PRH1: variants seen among roughly 807,000 people sequenced by gnomAD.
PRH1 encodes the protein proline rich protein HaeIII subfamily 1.
A neutral mutation model predicts 7.9 loss-of-function variants in PRH1; 7 were observed. That is an observed-to-expected ratio of 0.89 (90% confidence interval 0.50 to 1.67). PRH1 has a LOEUF of 1.67. PRH1 is among the 40% of genes most tolerant of loss of function. The probability of loss-of-function intolerance (pLI) is 0.00; values close to 1 mark genes in which losing one functional copy is unlikely to be tolerated. For missense variants in PRH1, 109 were observed against 223.6 expected (o/e 0.49, Z 3.27); for synonymous variants, 45 against 80.8 (o/e 0.56, Z 2.38).
chr12:11,148,492 C>A (rs1188575289), intron 1 of PRH1, among the ~76,000 whole-genome samples: 2 of 144,660 alleles, frequency 1.4e-5, no homozygotes, highest in Non-Finnish European at 3.1e-5. Context: ...GAGTTTTTAG[C>A]GTGAAGGTTG....
exon 1 of PRH1, chr12:11,047,127 TA>T: frequency 2.2e-6 from 1 of 453,640 alleles, no homozygotes; most frequent in East Asian, 6.9e-5. Flanking sequence ...TTCCAATGTT[TA>T]AAAAGCTGGC....
In PRH1 at chr12:11,086,809, G is replaced by A. The variant is rs1246218903; in HGVS notation, n.124-39621C>T. Reference sequence around the variant, plus strand: ...CATGCATAAAATCCCAGCTACTCAGGTGGCTGTGGCAGAAAAATCATTGGA... The same window carrying A: ...CATGCATAAAATCCCAGCTACTCAGATGGCTGTGGCAGAAAAATCATTGGA... On this transcript the variant is annotated intron_variant and non_coding_transcript_variant, in intron 1 of 4. Transcript: ENST00000541977. 4.4e-5 allele frequency among the ~76,000 whole-genome samples: 5 copies of A among 113,758 alleles called. 2 individuals are homozygous for A. The highest frequency in any genetic ancestry group is 1.0e-4 in the Non-Finnish European group (5 of 48,338). 74.6% of individuals were successfully genotyped at this position (113,758 alleles called of 152,430 possible). A position where few individuals can be genotyped will look rare whatever the true frequency, so the allele number is the denominator to read the frequency against.
intron 1 of PRH1, among the ~76,000 whole-genome samples, chr12:10,982,474 C>T (rs776679292): frequency 7.2e-5 from 11 of 152,108 alleles, no homozygotes; most frequent in Admixed American, 1.3e-4. Flanking sequence ...ACTTTGTATG[C>T]GGCTTTTGAT....
chr12:11,094,152 A>G (rs1945015640), intron 1 of PRH1, among the ~76,000 whole-genome samples: 2 of 111,902 alleles, frequency 1.8e-5, no homozygotes, highest in South Asian at 4.9e-4. Flanking sequence ...AAATACAAAA[A>G]TTAGCAGGGC....
At chr12:11,072,303 GA>G (rs1159687422) in intron 1 of PRH1, among the ~76,000 whole-genome samples, 1 of 152,076 alleles carries the variant, frequency 6.6e-6, no homozygotes, top group Non-Finnish European at 1.5e-5. Context: ...GGGAGTTTTT[GA>G]AGGTCAGATG....
intron 1 of PRH1, among the ~76,000 whole-genome samples, chr12:11,098,415 G>A (rs949421593): frequency 2.6e-5 from 4 of 152,020 alleles, no homozygotes; most frequent in Admixed American, 1.3e-4. Flanking sequence ...TTCACTGTTT[G>A]TTCTTGTTAC....
intron 2 of PRH1, among the ~76,000 whole-genome samples, chr12:10,924,178 G>A (rs1565474346): frequency 6.6e-6 from 1 of 151,690 alleles, no homozygotes; most frequent in African/African-American, 2.4e-5. Context: ...TAATAGAGAC[G>A]GGGTTTCACC....
At position 11,094,619 on chromosome 12, in the gene PRH1, TA is replaced by T. The variant is rs1430722996; in HGVS notation, n.124-47432del. On this transcript the variant is annotated intron_variant and non_coding_transcript_variant, in intron 1 of 4. Coordinates refer to the PRH1 transcript ENST00000541977. ...TGTTGCAACTAAATAAGAAAGTTCC[TA>T]TTTCAACTATCTTAGAATTGTGTAA... Among the ~76,000 whole-genome samples, 3 of 116,314 alleles carry T rather than the reference TA, an allele frequency of 2.6e-5. 1 individual carries two copies. Among genetic ancestry groups the T allele is most frequent in the African/African-American group, 8.7e-5 (3 of 34,650 alleles). The allele number at this position is 116,314 out of a possible 152,430, so 76.3% of individuals were successfully genotyped here. A position where few individuals can be genotyped will look rare whatever the true frequency, so the allele number is the denominator to read the frequency against.
intron 1 of PRH1, among the ~76,000 whole-genome samples, chr12:11,146,735 T>C (rs568688760): frequency 6.6e-6 from 1 of 152,340 alleles, no homozygotes; most frequent in South Asian, 2.1e-4. Context: ...CCTTTTGGAC[T>C]ATTTTTTGTG....
rs1565646413 is a variant in PRH1 at position 11,091,862 on chromosome 12, C to T, written n.124-44674G>A. 7.4e-6 allele frequency: 10 copies of T among 1,360,120 alleles called. No individual in the cohort carries two copies. The South Asian group carries it at 8.0e-5, about 11-fold the overall frequency. The allele number at this position is 1,360,120 out of a possible 1,614,324, so 84.3% of individuals were successfully genotyped here. A position where few individuals can be genotyped will look rare whatever the true frequency, so the allele number is the denominator to read the frequency against. On this transcript the variant is annotated intron_variant and non_coding_transcript_variant, in intron 1 of 4. Transcript: ENST00000541977. The stretch of plus-strand genomic sequence containing the variant: ...CACCAGAATGACACTCTTAACTCTC[C>T]TCTTTAAGTGAAGAAAAATAAAGTT...
intron 2 of PRH1, chr12:10,937,997 T>C (rs984984979): frequency 2.9e-6 from 1 of 343,108 alleles, no homozygotes; most frequent in African/African-American, 2.1e-5. Flanking sequence ...CATTTAAAAA[T>C]CTCAAAAAAG....
chr12:11,153,917 T>C (rs774577683), intron 1 of PRH1, among the ~76,000 whole-genome samples: 42 of 152,282 alleles, frequency 2.8e-4, no homozygotes, highest in Non-Finnish European at 7.4e-5. Context: ...TAACAGATAT[T>C]ACCCCCAAAA....
intron 1 of PRH1, among the ~76,000 whole-genome samples, chr12:11,003,129 T>C (rs1042786273): frequency 6.6e-6 from 1 of 152,142 alleles, no homozygotes; most frequent in Middle Eastern, 3.4e-3. Context: ...TATATCTTTC[T>C]TTTTTAAATT....
In PRH1 at chr12:11,150,667, T is replaced by C. The variant is rs551994603; in HGVS notation, n.39+20755A>G. Among the ~76,000 whole-genome samples the C allele has an allele frequency of 5.9e-4, 89 of 151,934 alleles. 1 individual carries two copies. The East Asian group carries it at 0.015, about 26-fold the overall frequency. ...GGGGAACATCACATTCTGGGGACAGTTGTGGGGTTGGGGGAAGGGGAAGGG... is the reference window on the plus strand; with the variant it reads ...GGGGAACATCACATTCTGGGGACAGCTGTGGGGTTGGGGGAAGGGGAAGGG... On this transcript the variant is annotated intron_variant and non_coding_transcript_variant, in intron 1 of 1. Transcript: ENST00000541175.
At chr12:11,136,250 G>T (rs571644407) in intron 1 of PRH1, among the ~76,000 whole-genome samples, 31 of 152,136 alleles carry the variant, frequency 2.0e-4, no homozygotes, top group Non-Finnish European at 3.8e-4. Flanking sequence ...TGTTCTTGTT[G>T]TTTGTGGCTT....
At chr12:11,115,867 A>G (rs1029225814), downstream of PRH1, among the ~76,000 whole-genome samples, 4 of 152,116 alleles carry the variant, frequency 2.6e-5, no homozygotes, top group Non-Finnish European at 5.9e-5. Context: ...GAAACACAAC[A>G]TACCAAAATC....
chr12:10,935,713 A>C (rs1950277130), intron 2 of PRH1, among the ~76,000 whole-genome samples: 1 of 152,210 alleles, frequency 6.6e-6, no homozygotes, highest in Admixed American at 6.5e-5. Flanking sequence ...GCTAAACAAC[A>C]CGGTGGAGTT....
At chr12:10,901,310 C>A (rs1591659988) in intron 2 of PRH1, among the ~76,000 whole-genome samples, 1 of 152,174 alleles carries the variant, frequency 6.6e-6, no homozygotes, top group South Asian at 2.1e-4. Context: ...ATTCAGAGCC[C>A]CCACTCTCCT....
At position 11,063,529 on chromosome 12, in the gene PRH1, G is replaced by A. The variant is rs966123724; in HGVS notation, n.124-16341C>T. Among the ~76,000 whole-genome samples the A allele has an allele frequency of 2.2e-4, 33 of 151,818 alleles. 1 individual carries two copies. The highest frequency in any genetic ancestry group is 2.2e-3 in the Admixed American group (33 of 15,206). Reference sequence around the variant, plus strand: ...ATTTGGTCCATTTCAAATAAACAGAGCCATCCACCAAACCCAGCTTAAAAA... The same window carrying A: ...ATTTGGTCCATTTCAAATAAACAGAACCATCCACCAAACCCAGCTTAAAAA... On this transcript the variant is annotated intron_variant and non_coding_transcript_variant, in intron 1 of 4. Coordinates refer to the PRH1 transcript ENST00000541977.
Sources: gnomAD v4.1 joint callset for allele counts (sites outside exome capture counted in the v4.1 genomes callset) on GRCh38, gnomAD v4.1.1 for gene constraint, MANE v1.5 for transcripts, NCBI Gene and HGNC (gene_info 2026-07-23, HGNC 2026-07-21) for gene names.